The following FOXJ3 variants were observed in gnomAD, a reference collection of about 807,000 sequenced individuals.
FOXJ3 encodes forkhead box protein J3.
In FOXJ3, 22 loss-of-function variants were observed where a neutral mutation model predicts 76.1. The ratio of observed to expected loss-of-function variants is 0.29; its 90% CI spans 0.21 to 0.41. The LOEUF (loss-of-function observed/expected upper bound fraction) is 0.41, where lower values mean the gene tolerates loss of function less well. Ranked by LOEUF, FOXJ3 falls within the 10% of genes least tolerant of loss-of-function variation. The pLI is 1.00. For missense variants in FOXJ3, 613 were observed against 762.1 expected (o/e 0.80, Z 2.30); for synonymous variants, 269 against 261.2 (o/e 1.03, Z -0.29).
intron 4 of FOXJ3, among the ~76,000 whole-genome samples, chr1:42,241,034 G>A (rs1427368594): frequency 6.6e-6 from 1 of 152,212 alleles, no homozygotes; most frequent in Non-Finnish European, 1.5e-5. Context: ...ACCTGAGGCA[G>A]GGAAGGAGGC....
chr1:42,311,768 G>T (rs1654829594), intron 1 of FOXJ3, among the ~76,000 whole-genome samples: 1 of 151,942 alleles, frequency 6.6e-6, no homozygotes, highest in African/African-American at 2.4e-5. Context: ...CACCTTAAAG[G>T]ATTTATATAA....
chr1:42,259,360 T>G (rs1316760716), intron 4 of FOXJ3, among the ~76,000 whole-genome samples: 1 of 152,180 alleles, frequency 6.6e-6, no homozygotes, highest in African/African-American at 2.4e-5. Context: ...AAGAGTAAAT[T>G]TCACCATATA....
chr1:42,205,016 G>A (rs1288446537), intron 6 of FOXJ3, among the ~76,000 whole-genome samples: 1 of 152,074 alleles, frequency 6.6e-6, no homozygotes, highest in Admixed American at 6.6e-5. Context: ...GTGAAAGCTA[G>A]AGGGAGAAAA....
chr1:42,289,074 C>A (rs1653248497), intron 2 of FOXJ3, among the ~76,000 whole-genome samples: 1 of 151,798 alleles, frequency 6.6e-6, no homozygotes, highest in East Asian at 1.9e-4. Context: ...ACAGATATAA[C>A]CCACATAAAC....
chr1:42,317,863 T>C (rs2124770288), intron 1 of FOXJ3, among the ~76,000 whole-genome samples: 1 of 152,336 alleles, frequency 6.6e-6, no homozygotes, highest in Admixed American at 6.5e-5. Flanking sequence ...TTATCTCTAT[T>C]ACCTTATTTT....
At chr1:42,222,722 T>C (rs751434487) in intron 5 of FOXJ3, among the ~76,000 whole-genome samples, 3 of 152,234 alleles carry the variant, frequency 2.0e-5, no homozygotes, top group Non-Finnish European at 4.4e-5. Flanking sequence ...TGTTTACTCC[T>C]ACCTTTCTCA....
At chr1:42,278,265 G>A (rs377554298) in intron 3 of FOXJ3, 83 bp downstream of exon 3, 1 of 1,007,924 alleles carries the variant, frequency 9.9e-7, no homozygotes, top group African/African-American at 1.6e-5. Flanking sequence ...TCAATTACAT[G>A]AGCATTCACA....
intron 1 of FOXJ3, among the ~76,000 whole-genome samples, chr1:42,326,613 G>A (rs1005344744): frequency 6.6e-6 from 1 of 152,092 alleles, no homozygotes; most frequent in Non-Finnish European, 1.5e-5. Context: ...GACCAAATCT[G>A]CTATTGAGTA....
At chr1:42,180,668 T>C (rs925368469) in intron 12 of FOXJ3, among the ~76,000 whole-genome samples, 1 of 152,230 alleles carries the variant, frequency 6.6e-6, no homozygotes, top group Non-Finnish European at 1.5e-5. Flanking sequence ...TGTACAATTA[T>C]TTAATGCTAA....
rs114391710 is a variant in FOXJ3, at chr1:42,184,249, C to T, written c.1646-2225G>A. Among the ~76,000 whole-genome samples the T allele has an allele frequency of 6.3e-3, 962 of 152,148 alleles. 6 individuals are homozygous for T. Among genetic ancestry groups the T allele is most frequent in the South Asian group, 0.011 (51 of 4,818 alleles). ...CTTAGCTCTCACTCTACACATCTTT[C>T]GAGTTCATGTCATAATGAAAATGTA... On this transcript the variant is annotated intron_variant, in intron 11 of 12. Coordinates refer to ENST00000361346, the MANE Select transcript of FOXJ3 (RefSeq NM_014947.5).
rs767157149 is a variant in FOXJ3, at chr1:42,177,790, C to T, written c.*1920G>A. ...ACACACACGCGCGCGCACACTCTCACACACAGCACACACACACAGAAACAA... is the reference window on the plus strand; with the variant it reads ...ACACACACGCGCGCGCACACTCTCATACACAGCACACACACACAGAAACAA... On this transcript the variant is annotated 3_prime_UTR_variant, in exon 13 of 13. Transcript: ENST00000361346. 6.6e-6 allele frequency: 1 copy of T among 152,414 alleles called. No homozygotes were observed. Among genetic ancestry groups the T allele is most frequent in the Admixed American group, 6.6e-5 (1 of 15,244 alleles). The allele number at this position is 152,414 out of a possible 1,614,324, so 9.4% of individuals were successfully genotyped here. A position where few individuals can be genotyped will look rare whatever the true frequency, so the allele number is the denominator to read the frequency against.
chr1:42,234,044 T>C (rs964859876), intron 4 of FOXJ3, among the ~76,000 whole-genome samples: 5 of 152,252 alleles, frequency 3.3e-5, no homozygotes, highest in African/African-American at 7.2e-5. Flanking sequence ...CTGCATCTGA[T>C]ATAGATTTGG....
At position 42,324,115 on chromosome 1, in the gene FOXJ3, G is replaced by GTGTATATACAGTATATATACTA. The variant is rs1553170589; in HGVS notation, c.-18+10943_-18+10944insTAGTATATATACTGTATATACA. ...TGTATATATACTGTGTATATACACT[G>GTGTATATACAGTATATATACTA]TATATACACAGTGTATATACAGTAT... On this transcript the variant is annotated intron_variant, in intron 1 of 12. Coordinates refer to ENST00000361346, the MANE Select transcript of FOXJ3 (RefSeq NM_014947.5). Among the ~76,000 whole-genome samples the GTGTATATACAGTATATATACTA allele has an allele frequency of 1.1e-4, 6 of 52,372 alleles. 2 individuals carry two copies. Among genetic ancestry groups the GTGTATATACAGTATATATACTA allele is most frequent in the African/African-American group, 4.9e-4 (5 of 10,226 alleles). The allele number at this position is 52,372 out of a possible 152,430, so 34.4% of individuals were successfully genotyped here. A position where few individuals can be genotyped will look rare whatever the true frequency, so the allele number is the denominator to read the frequency against.
intron 2 of FOXJ3, among the ~76,000 whole-genome samples, chr1:42,305,597 G>A (rs972825222): frequency 7.9e-5 from 12 of 152,146 alleles, no homozygotes; most frequent in Non-Finnish European, 2.9e-5. Context: ...ATTATGCTAA[G>A]TGAAATAAGC....
intron 7 of FOXJ3, 134 bp downstream of exon 7, chr1:42,198,968 C>A: frequency 1.5e-6 from 1 of 652,036 alleles, no homozygotes; most frequent in South Asian, 2.2e-5. Flanking sequence ...TAATTTTGAT[C>A]TACTTACTAA....
chr1:42,216,076 T>C (rs1365801084), intron 5 of FOXJ3, among the ~76,000 whole-genome samples: 1 of 152,140 alleles, frequency 6.6e-6, no homozygotes, highest in Non-Finnish European at 1.5e-5. Flanking sequence ...AAATACATTT[T>C]CAGGGAAAGA....
chr1:42,234,065 T>C (rs1257055531), intron 4 of FOXJ3, among the ~76,000 whole-genome samples: 4 of 152,254 alleles, frequency 2.6e-5, no homozygotes, highest in South Asian at 2.1e-4. Context: ...TCTTTTCACA[T>C]AGTCCCATAT....
chr1:42,206,103 C>G, intron 5 of FOXJ3: 1 of 401,950 alleles, frequency 2.5e-6, no homozygotes, highest in Non-Finnish European at 4.4e-6. Flanking sequence ...GATAGGCTGA[C>G]AAAAATTACA....
intron 1 of FOXJ3, among the ~76,000 whole-genome samples, chr1:42,334,456 G>A (rs1165588889): frequency 1.3e-5 from 2 of 151,416 alleles, no homozygotes; most frequent in African/African-American, 2.4e-5. Flanking sequence ...TGGGCAGGAT[G>A]CAACACACAC....
Sources: gnomAD v4.1 joint callset for allele counts (sites outside exome capture counted in the v4.1 genomes callset) on GRCh38, gnomAD v4.1.1 for gene constraint, MANE v1.5 for transcripts, NCBI Gene and HGNC (gene_info 2026-07-23, HGNC 2026-07-21) for gene names.